Variants in XPO7 observed in about 807,000 individuals in gnomAD.
The protein encoded by XPO7 is exportin 7, also known as exportin-7.
In XPO7, 21 loss-of-function variants were observed where a neutral mutation model predicts 144.3. The ratio of observed to expected loss-of-function variants is 0.15; its 90% CI spans 0.10 to 0.21. XPO7 has a LOEUF of 0.21. Among genes scored for constraint, XPO7 ranks in the 10% least tolerant of loss-of-function variants. The pLI, the probability that XPO7 is intolerant of heterozygous loss-of-function variation, is 1.00. For missense variants in XPO7, 808 were observed against 1,325.8 expected (o/e 0.61, Z 6.06); for synonymous variants, 580 against 499.6 (o/e 1.16, Z -2.15).
intron 21 of XPO7, among the ~76,000 whole-genome samples, chr8:21,996,018 T>C (rs994785463): frequency 1.0e-4 from 15 of 150,586 alleles, no homozygotes; most frequent in African/African-American, 3.2e-4. Flanking sequence ...GGTTTCACCA[T>C]GTTAGCCAGG....
intron 1 of XPO7, among the ~76,000 whole-genome samples, chr8:21,928,929 A>G (rs62492074): frequency 6.6e-6 from 1 of 152,242 alleles, no homozygotes; most frequent in African/African-American, 2.4e-5. Context: ...TTTTGGCCTA[A>G]AATATTTACT....
chr8:21,930,374 A>G (rs1364094774), intron 1 of XPO7, among the ~76,000 whole-genome samples: 2 of 152,200 alleles, frequency 1.3e-5, no homozygotes, highest in African/African-American at 4.8e-5. Flanking sequence ...AAGGACCTGA[A>G]TAGCTAGAAA....
At chr8:21,921,256 G>C (rs567901966) in intron 1 of XPO7, among the ~76,000 whole-genome samples, 2 of 152,148 alleles carry the variant, frequency 1.3e-5, no homozygotes, top group Admixed American at 6.5e-5. Context: ...ACAAGACTCA[G>C]GCAGGAATTA....
chr8:21,947,077 G>C (rs1287038883), intron 1 of XPO7, among the ~76,000 whole-genome samples: 1 of 152,186 alleles, frequency 6.6e-6, no homozygotes, highest in African/African-American at 2.4e-5. Flanking sequence ...AGAAGTGTTT[G>C]GTTATGAAAG....
chr8:21,988,220 G>A, intron 15 of XPO7: 1 of 204,832 alleles, frequency 4.9e-6, no homozygotes, highest in African/African-American at 2.3e-5. Flanking sequence ...TTCACTTTCT[G>A]TTGCTGATTT....
At chr8:21,979,386 C>A (rs1268316872) in intron 8 of XPO7, among the ~76,000 whole-genome samples, 1 of 138,600 alleles carries the variant, frequency 7.2e-6, no homozygotes, top group African/African-American at 2.7e-5. Context: ...ATGCTTATTT[C>A]TTTTTTTTTT....
At chr8:21,982,865 TC>T in intron 11 of XPO7, 53 bp downstream of exon 11, 3 of 1,532,002 alleles carry the variant, frequency 2.0e-6, no homozygotes, top group East Asian at 2.3e-5. Context: ...TTGTCACACT[TC>T]CTAGAGATCA....
chr8:21,963,705 A>G (rs1811799082), intron 1 of XPO7, among the ~76,000 whole-genome samples: 1 of 152,170 alleles, frequency 6.6e-6, no homozygotes, highest in Admixed American at 6.5e-5. Context: ...AAAAAAAAAA[A>G]AAAAAGTATA....
chr8:21,984,588 T>C lies in XPO7; in HGVS notation c.1278-58T>C, dbSNP rs1049742581. The C allele has an allele frequency of 2.0e-6, 3 of 1,473,804 alleles. No individual in the cohort carries two copies. In the African/African-American group the frequency reaches 4.2e-5, roughly 21 times the overall value. The allele number at this position is 1,473,804 out of a possible 1,614,324, so 91.3% of individuals were successfully genotyped here. A position where few individuals can be genotyped will look rare whatever the true frequency, so the allele number is the denominator to read the frequency against. The stretch of plus-strand genomic sequence containing the variant: ...TGAAGAAGTCAGAGAGCTGCTATAT[T>C]GGGCAAATCAGTAGTCATATTTTAA... On this transcript the variant is annotated intron_variant, in intron 11 of 27. Coordinates refer to ENST00000252512, the MANE Select transcript of XPO7 (RefSeq NM_015024.5).
chr8:22,004,466 A>C (rs1312510071), intron 27 of XPO7, among the ~76,000 whole-genome samples: 6 of 152,190 alleles, frequency 3.9e-5, no homozygotes, highest in Non-Finnish European at 8.8e-5. Context: ...TGCATTGAGT[A>C]TCTGGGCTTT....
At chr8:21,988,895 G>A (rs890140907) in intron 15 of XPO7, 108 bp from the exon 16 acceptor site, 2 of 880,678 alleles carry the variant, frequency 2.3e-6, no homozygotes, top group Non-Finnish European at 3.5e-6. Flanking sequence ...AATTGGTGGT[G>A]CAGATGTGTG....
chr8:21,985,054 A>G (rs965055411), intron 12 of XPO7, among the ~76,000 whole-genome samples: 4 of 141,800 alleles, frequency 2.8e-5, no homozygotes, highest in Non-Finnish European at 4.6e-5. Flanking sequence ...TTGTTTTAAG[A>G]GATGAGGTCT....
intron 1 of XPO7, among the ~76,000 whole-genome samples, chr8:21,961,744 C>T (rs911740738): frequency 6.6e-6 from 1 of 152,258 alleles, no homozygotes; most frequent in East Asian, 1.9e-4. Flanking sequence ...CTCACTGCAA[C>T]CTCTACCTCC....
intron 1 of XPO7, among the ~76,000 whole-genome samples, chr8:21,941,453 C>G (rs986348714): frequency 6.6e-6 from 1 of 152,176 alleles, no homozygotes; most frequent in Non-Finnish European, 1.5e-5. Context: ...CACTCAGACT[C>G]ATATACTTTA....
At chr8:21,988,927 T>C in intron 15 of XPO7, 76 bp from the exon 16 acceptor site, 2 of 1,383,724 alleles carry the variant, frequency 1.4e-6, no homozygotes, top group Non-Finnish European at 2.0e-6. Flanking sequence ...TGAATGACTT[T>C]CTTCTTCTCC....
chr8:21,973,420 A>C (rs754893320), intron 5 of XPO7, among the ~76,000 whole-genome samples: 7 of 152,236 alleles, frequency 4.6e-5, no homozygotes, highest in Non-Finnish European at 1.0e-4. Context: ...ATGATACATA[A>C]TCTAGCAAGA....
rs1812920147 is a variant in XPO7, at chr8:21,995,585, A to G, written c.2331A>G (p.Glu777=). The G allele has an allele frequency of 3.1e-6, 5 of 1,601,320 alleles. No homozygotes were observed. The highest frequency in any genetic ancestry group is 4.3e-6 in the Non-Finnish European group (5 of 1,173,086). ...CACCTGTACTCAAGTTGATGGCTGA[A>G]TTGGTTCATAATAGGTAAGCAGGAG... ...CTTPVLKLMA[E]LVHNRSQRLQ... Residue 777 remains glutamate, a synonymous_variant, in exon 21 of 28, where the codon GAA becomes GAG. Coordinates refer to ENST00000252512, the MANE Select transcript of XPO7 (RefSeq NM_015024.5).
intron 1 of XPO7, among the ~76,000 whole-genome samples, chr8:21,941,496 C>T (rs1416061604): frequency 6.6e-6 from 1 of 152,088 alleles, no homozygotes; most frequent in African/African-American, 2.4e-5. Context: ...CTAGCTAATA[C>T]AATGTAAATG....
intron 1 of XPO7, among the ~76,000 whole-genome samples, chr8:21,924,068 T>C (rs140845777): frequency 1.3e-5 from 2 of 152,266 alleles, no homozygotes; most frequent in African/African-American, 4.8e-5. Context: ...CTGCAGTCAA[T>C]CTCAGGGCTT....
Sources: gnomAD v4.1 joint callset for allele counts (sites outside exome capture counted in the v4.1 genomes callset) on GRCh38, gnomAD v4.1.1 for gene constraint, MANE v1.5 for transcripts, NCBI Gene and HGNC (gene_info 2026-07-23, HGNC 2026-07-21) for gene names.